KCNS3: variants seen among roughly 807,000 people sequenced by gnomAD.
The protein encoded by KCNS3 is delayed-rectifier potassium channel regulatory subunit KCNS3.
In KCNS3, 13 loss-of-function variants were observed where a neutral mutation model predicts 31.0. The ratio of observed to expected loss-of-function variants is 0.42; its 90% CI spans 0.27 to 0.67. KCNS3 has a LOEUF of 0.67. Among genes scored for constraint, KCNS3 ranks in the 30% least tolerant of loss-of-function variants. The pLI is 0.25. For missense variants in KCNS3, 545 were observed against 622.4 expected, an observed-to-expected ratio of 0.88 and a Z score of 1.32; for synonymous variants, 238 against 241.5, an observed-to-expected ratio of 0.99 and a Z score of 0.13.
At chr2:17,927,843 CTT>C (rs1390626872) in intron 2 of KCNS3, among the ~76,000 whole-genome samples, 1 of 152,174 alleles carries the variant, frequency 6.6e-6, no homozygotes, top group Non-Finnish European at 1.5e-5. Flanking sequence ...ATCAGAAAAT[CTT>C]TGAATCTGCC....
At chr2:17,910,691 C>G (rs1190559433) in intron 1 of KCNS3, among the ~76,000 whole-genome samples, 1 of 151,680 alleles carries the variant, frequency 6.6e-6, no homozygotes, top group African/African-American at 2.4e-5. Flanking sequence ...TTTATAGTCT[C>G]TGATTGGTTC....
At chr2:17,903,049 T>C (rs1376465571) in intron 1 of KCNS3, among the ~76,000 whole-genome samples, 1 of 152,254 alleles carries the variant, frequency 6.6e-6, no homozygotes, top group Non-Finnish European at 1.5e-5. Context: ...ACTTGTCTTC[T>C]GTGGTGACCA....
chr2:17,921,050 C>A (rs1330622622), intron 2 of KCNS3, among the ~76,000 whole-genome samples: 1 of 152,208 alleles, frequency 6.6e-6, no homozygotes, highest in African/African-American at 2.4e-5. Flanking sequence ...GACAATGATT[C>A]ATTCATTCAG....
At chr2:17,890,888 C>T (rs554566436) in intron 1 of KCNS3, among the ~76,000 whole-genome samples, 166 of 152,076 alleles carry the variant, frequency 1.1e-3, no homozygotes, top group Non-Finnish European at 2.0e-3. Context: ...TTGAATAGAA[C>T]GTGTATTCTG....
chr2:17,907,080 G>C (rs1010842387), intron 1 of KCNS3, among the ~76,000 whole-genome samples: 1 of 152,092 alleles, frequency 6.6e-6, no homozygotes, highest in Non-Finnish European at 1.5e-5. Context: ...CCCATTATTA[G>C]TGTGTGGGAG....
intron 1 of KCNS3, among the ~76,000 whole-genome samples, chr2:17,884,269 ATATATATATATATATAT>A (rs1444325422): frequency 2.8e-5 from 1 of 35,570 alleles, no homozygotes; most frequent in Non-Finnish European, 5.8e-5. Flanking sequence ...AAAAAAAAAA[ATATATATATATATATAT>A]ATATATATAT....
chr2:17,930,692 A>G (rs1304922375), intron 2 of KCNS3, among the ~76,000 whole-genome samples: 2 of 152,214 alleles, frequency 1.3e-5, no homozygotes, highest in Non-Finnish European at 2.9e-5. Context: ...AGAAATGGCA[A>G]TTAGGGTTCA....
rs1476474543 is a variant in KCNS3, at chr2:17,931,490, C to T, written c.482C>T (p.Thr161Ile). 1.2e-6 allele frequency: 2 copies of T among 1,614,220 alleles called. No individual in the cohort carries two copies. Among genetic ancestry groups the T allele is most frequent in the Non-Finnish European group, 1.7e-6 (2 of 1,180,036 alleles). The change falls in exon 3 of 3, where the codon ACA becomes ATA. Residue 161 changes from threonine to isoleucine, a missense_variant. Coordinates refer to ENST00000304101, the MANE Select transcript of KCNS3 (RefSeq NM_002252.5). The surrounding 1 kb of genome is among the most constrained non-coding windows in gnomAD (Gnocchi z 5.4). ...LFEKELEKFD[T>I]LRFGQLRKKI... ...GAGAAAGAGCTGGAGAAGTTTGACA[C>T]ACTGCGATTTGGTCAGCTCCGGAAG... is the stretch of plus-strand genomic sequence containing the variant.
At chr2:17,889,113 T>C (rs891393438) in intron 1 of KCNS3, among the ~76,000 whole-genome samples, 3 of 152,134 alleles carry the variant, frequency 2.0e-5, no homozygotes, top group African/African-American at 7.2e-5. Context: ...TTAGCGGTGT[T>C]TTGTAGTTTT....
chr2:17,916,828 CT>C (rs11296020), intron 1 of KCNS3, among the ~76,000 whole-genome samples: 82,000 of 146,636 alleles, frequency 0.56, 22,883 homozygotes, highest in East Asian at 0.83. Flanking sequence ...GCCAGAGGCA[CT>C]TTTTTTTTTT....
At chr2:17,915,740 G>T (rs1662574266) in intron 1 of KCNS3, among the ~76,000 whole-genome samples, 1 of 152,170 alleles carries the variant, frequency 6.6e-6, no homozygotes, top group Non-Finnish European at 1.5e-5. Flanking sequence ...ATGTTGAGAA[G>T]TCACACTTAG....
At chr2:17,882,977 A>C (rs1258209866) in intron 1 of KCNS3, among the ~76,000 whole-genome samples, 4 of 152,214 alleles carry the variant, frequency 2.6e-5, no homozygotes, top group Non-Finnish European at 5.9e-5. Context: ...TGTGGGCAAG[A>C]GGTCTCATTC....
upstream of KCNS3, among the ~76,000 whole-genome samples, chr2:17,878,298 G>A (rs970475678): frequency 2.0e-5 from 3 of 152,060 alleles, no homozygotes; most frequent in Non-Finnish European, 4.4e-5. Context: ...TCTTTTTCCC[G>A]CAGGGCCACG....
intron 2 of KCNS3, 22 bp from the exon 3 acceptor site, chr2:17,930,928 T>C: frequency 4.0e-6 from 6 of 1,507,102 alleles, no homozygotes; most frequent in Non-Finnish European, 5.4e-6. Context: ...AGAGTGCTAA[T>C]ATCATCTTGT....
chr2:17,904,662 C>G (rs77279202), intron 1 of KCNS3, among the ~76,000 whole-genome samples: 2,709 of 152,144 alleles, frequency 0.018, 71 homozygotes, highest in African/African-American at 0.061. Context: ...GGATCCAGTT[C>G]CAGCTTTCTA....
At chr2:17,904,639 A>C (rs1467762272) in intron 1 of KCNS3, among the ~76,000 whole-genome samples, 1 of 152,100 alleles carries the variant, frequency 6.6e-6, no homozygotes. Context: ...TTTTTGTATA[A>C]GATGTAAGGA....
intron 1 of KCNS3, among the ~76,000 whole-genome samples, chr2:17,880,142 A>C (rs1674611347): frequency 1.3e-5 from 2 of 152,244 alleles, no homozygotes; most frequent in Admixed American, 1.3e-4. Flanking sequence ...CCAGGTAAAC[A>C]GGAAGCACGC....
At chr2:17,883,801 G>T (rs1275793502) in intron 1 of KCNS3, among the ~76,000 whole-genome samples, 1 of 151,972 alleles carries the variant, frequency 6.6e-6, no homozygotes, top group Non-Finnish European at 1.5e-5. Context: ...AAAGACACCT[G>T]CACACGTATG....
chr2:17,891,456 C>T (rs1253865221), intron 1 of KCNS3, among the ~76,000 whole-genome samples: 1 of 151,956 alleles, frequency 6.6e-6, no homozygotes, highest in Non-Finnish European at 1.5e-5. Context: ...CTCTTTGTTG[C>T]CTGTGTAGTT....
Sources: gnomAD v4.1 joint callset for allele counts (sites outside exome capture counted in the v4.1 genomes callset) on GRCh38, gnomAD v4.1.1 for gene constraint, Gnocchi (gnomAD v3.1) non-coding constraint, MANE v1.5 for transcripts, NCBI Gene and HGNC (gene_info 2026-07-23, HGNC 2026-07-21) for gene names.